The following EIF4ENIF1 variants were observed in gnomAD, a reference collection of about 807,000 sequenced individuals.
EIF4ENIF1 encodes eukaryotic translation initiation factor 4E transporter.
EIF4ENIF1 carries 23 observed loss-of-function variants against 110.5 expected under a neutral mutation model. The observed-to-expected ratio is 0.21, with a 90% CI of 0.15 to 0.29. The LOEUF (loss-of-function observed/expected upper bound fraction) is 0.29, where lower values mean the gene tolerates loss of function less well. EIF4ENIF1 is among the 10% of genes least tolerant of loss of function. The pLI is 1.00. For synonymous variants in EIF4ENIF1, 440 were observed against 437.0 expected (o/e 1.01, Z -0.09); for missense variants, 1,031 against 1,221.1 (o/e 0.84, Z 2.32).
rs777757325 is a variant in EIF4ENIF1 at position 31,463,982 on chromosome 22, G to A, written c.299-15C>T. On this transcript the variant is annotated splice_polypyrimidine_tract_variant and intron_variant, in intron 4 of 18. Coordinates refer to ENST00000330125, the MANE Select transcript of EIF4ENIF1 (RefSeq NM_019843.4). The stretch of plus-strand genomic sequence containing the variant: ...CTCTCGTGGATCTGGAAGGACGTGG[G>A]AAAGACAAAGTTAAACAAACCAACA... The A allele has an allele frequency of 5.9e-5, 95 of 1,604,184 alleles. No homozygotes were observed. Among genetic ancestry groups the A allele is most frequent in the Non-Finnish European group, 7.7e-5 (91 of 1,176,868 alleles).
intron 10 of EIF4ENIF1, chr22:31,450,736 ACACACT>A (rs1015322892): frequency 2.9e-4 from 81 of 281,902 alleles, no homozygotes; most frequent in East Asian, 1.9e-3. Flanking sequence ...ACACACACAC[ACACACT>A]CATATATACA....
intron 2 of EIF4ENIF1, among the ~76,000 whole-genome samples, chr22:31,480,427 T>G (rs1029296866): frequency 1.3e-5 from 2 of 152,244 alleles, no homozygotes; most frequent in African/African-American, 2.4e-5. Context: ...TATGTAGAAT[T>G]TCACATAAGT....
intron 6 of EIF4ENIF1, among the ~76,000 whole-genome samples, chr22:31,460,926 C>G (rs1394285444): frequency 1.3e-5 from 2 of 152,048 alleles, no homozygotes; most frequent in African/African-American, 4.8e-5. Context: ...GCCTAGGCAA[C>G]AAAGCAAGAC....
rs1364314840 is a variant in EIF4ENIF1, at chr22:31,444,510, A to C, written c.2073+96T>G. ...CTAGGTCAGTTATTTCCGTGGAAGG[A>C]ACTCAAGGACATTTAGGGCACACAG... On this transcript the variant is annotated intron_variant, in intron 15 of 18. Transcript: ENST00000330125. 5 of 1,166,788 alleles carry C rather than the reference A, an allele frequency of 4.3e-6. No homozygotes were observed. The East Asian group carries it at 1.2e-4, about 28-fold the overall frequency. 72.3% of individuals were successfully genotyped at this position (1,166,788 alleles called of 1,614,324 possible).
At chr22:31,468,382 A>G in intron 3 of EIF4ENIF1, 80 bp from the exon 4 acceptor site, 5 of 1,579,620 alleles carry the variant, frequency 3.2e-6, no homozygotes, top group Admixed American at 1.7e-5. Context: ...CTCCTCAGCT[A>G]ATAGTTATGG....
intron 6 of EIF4ENIF1, among the ~76,000 whole-genome samples, chr22:31,462,484 C>CA (rs11418470): frequency 0.38 from 51,957 of 137,036 alleles, 9,869 homozygotes; most frequent in East Asian, 0.8. Flanking sequence ...GACTCCGTCT[C>CA]AAAAAAAAAA....
At position 31,444,733 on chromosome 22, in the gene EIF4ENIF1, A is replaced by C. The variant is rs775246773; in HGVS notation, c.1989-43T>G. 5 of 1,581,866 alleles carry C rather than the reference A, an allele frequency of 3.2e-6. No individual in the cohort carries two copies. The African/African-American group carries it at 6.7e-5, about 21-fold the overall frequency. On this transcript the variant is annotated intron_variant, in intron 14 of 18. Transcript: ENST00000330125. The stretch of plus-strand genomic sequence containing the variant: ...ATCAGCATGAACCCCAATCTGCTTA[A>C]CTTCAAGTCTTAAAACCATATAATA...
At chr22:31,491,459 G>A (rs377036849), upstream of EIF4ENIF1, among the ~76,000 whole-genome samples, 2 of 152,226 alleles carry the variant, frequency 1.3e-5, no homozygotes, top group East Asian at 1.9e-4. Context: ...ACCTGAGCCA[G>A]GCATTTCACC....
At position 31,441,942 on chromosome 22, in the gene EIF4ENIF1, A is replaced by G. The variant is rs1258396676; in HGVS notation, c.2383T>C (p.Leu795=). ...GGTGTTGTAGGAACTGGGGATGCCAAGGTGGGTGTTTTTCTCCCAGTTGCT... is the reference window on the plus strand; with the variant it reads ...GGTGTTGTAGGAACTGGGGATGCCAGGGTGGGTGTTTTTCTCCCAGTTGCT... The part of the protein sequence containing the change: ...PKATGRKTPT[L]ASPVPTTPFL... Residue 795 remains leucine, a synonymous_variant, in exon 17 of 19, where the codon TTG becomes CTG. Transcript: ENST00000330125. The G allele has an allele frequency of 1.2e-6, 2 of 1,614,188 alleles. No individual in the cohort carries two copies. The highest frequency in any genetic ancestry group is 2.2e-5 in the South Asian group (2 of 91,084).
At chr22:31,441,742 C>G (rs1178526217) in intron 17 of EIF4ENIF1, 32 bp downstream of exon 17, 1 of 1,567,878 alleles carries the variant, frequency 6.4e-7, no homozygotes, top group African/African-American at 1.4e-5. Flanking sequence ...GGCCCACAAA[C>G]TGACGACACC....
At chr22:31,466,366 T>C (rs907767778) in intron 4 of EIF4ENIF1, among the ~76,000 whole-genome samples, 4 of 149,932 alleles carry the variant, frequency 2.7e-5, no homozygotes, top group African/African-American at 9.9e-5. Flanking sequence ...TGAGCCGAGA[T>C]CGCGCCACTG....
At chr22:31,439,356 A>ATGTC (rs1004712021), downstream of EIF4ENIF1, 3 of 154,088 alleles carry the variant, frequency 1.9e-5, no homozygotes, top group African/African-American at 4.8e-5. Context: ...AAACACAACA[A>ATGTC]TGTCAGTTAC....
intron 10 of EIF4ENIF1, chr22:31,451,310 T>A (rs1268507754): frequency 6.6e-6 from 1 of 152,238 alleles, no homozygotes; most frequent in Non-Finnish European, 1.5e-5. Context: ...AGTCTTGCTC[T>A]GTCACCAGGC....
Position 31,489,076 on chromosome 22 carries a change from G to A in EIF4ENIF1, c.-27-331C>T, listed in dbSNP as rs9621271. Reference sequence around the variant, plus strand: ...TTCAAGACTGGTGGGGAAGTTTCCCGGAGTGGGGGCAGGTAGAAGACTGGT... The same window carrying A: ...TTCAAGACTGGTGGGGAAGTTTCCCAGAGTGGGGGCAGGTAGAAGACTGGT... On this transcript the variant is annotated intron_variant, in intron 1 of 18. Transcript: ENST00000330125. 1,180 of 208,138 alleles carry A rather than the reference G, an allele frequency of 5.7e-3. 22 individuals carry two copies. Among genetic ancestry groups the A allele is most frequent in the African/African-American group, 0.025 (1,045 of 42,348 alleles). 12.9% of individuals were successfully genotyped at this position (208,138 alleles called of 1,614,324 possible).
At chr22:31,452,530 A>T (rs2050704513) in intron 10 of EIF4ENIF1, among the ~76,000 whole-genome samples, 2 of 152,230 alleles carry the variant, frequency 1.3e-5, no homozygotes, top group Admixed American at 1.3e-4. Flanking sequence ...CTAGAATCAT[A>T]TCTGCAATAA....
chr22:31,437,344 T>G (rs1039188859), downstream of EIF4ENIF1: 1 of 152,152 alleles, frequency 6.6e-6, no homozygotes, highest in East Asian at 1.9e-4. Flanking sequence ...ATCTCGTGCC[T>G]GCAAGACATC....
At chr22:31,446,395 C>T (rs758568581) in intron 14 of EIF4ENIF1, among the ~76,000 whole-genome samples, 20 of 151,718 alleles carry the variant, frequency 1.3e-4, no homozygotes, top group Non-Finnish European at 2.5e-4. Flanking sequence ...GTTCAGCAGA[C>T]CAGTCTGGAG....
chr22:31,452,445 C>T (rs117263772), intron 10 of EIF4ENIF1, among the ~76,000 whole-genome samples: 4 of 152,294 alleles, frequency 2.6e-5, no homozygotes, highest in Non-Finnish European at 4.4e-5. Flanking sequence ...AAACCAGATA[C>T]ACTTCTGAGT....
chr22:31,457,568 G>C (rs1282495776), intron 7 of EIF4ENIF1, among the ~76,000 whole-genome samples: 1 of 152,188 alleles, frequency 6.6e-6, no homozygotes, highest in African/African-American at 2.4e-5. Context: ...ATTAGTGACT[G>C]TTTTATTTGA....
Sources: allele counts gnomAD v4.1 joint callset (sites outside exome capture counted in the v4.1 genomes callset), GRCh38; gene constraint gnomAD v4.1.1; transcripts MANE v1.5; gene names NCBI Gene and HGNC (gene_info 2026-07-23, HGNC 2026-07-21).